Variants in TECTB observed in about 807,000 individuals in gnomAD.
The protein encoded by TECTB is tectorin beta.
Under a neutral mutation model 43.3 loss-of-function variants are expected in TECTB, and 45 were observed. The ratio of observed to expected loss-of-function variants is 1.04; its 90% CI spans 0.82 to 1.33. The LOEUF is 1.33. Ranked by LOEUF, TECTB falls within the 40% of genes most tolerant of loss-of-function variation. TECTB has a pLI of 0.00. For missense variants in TECTB, 399 were observed against 404.7 expected, an observed-to-expected ratio of 0.99 and a Z score of 0.12; for synonymous variants, 169 against 156.7, an observed-to-expected ratio of 1.08 and a Z score of -0.59.
intron 5 of TECTB, among the ~76,000 whole-genome samples, chr10:112,286,643 G>A (rs540400246): frequency 1.6e-4 from 24 of 152,338 alleles, no homozygotes; most frequent in Non-Finnish European, 1.9e-4. Flanking sequence ...CTTCTGGCCA[G>A]GCGTGGTAGT....
At chr10:112,295,055 T>G (rs1432071316) in intron 7 of TECTB, among the ~76,000 whole-genome samples, 1 of 152,124 alleles carries the variant, frequency 6.6e-6, no homozygotes, top group Admixed American at 6.5e-5. Context: ...CAGAAGTACT[T>G]AGAATTGTAC....
chr10:112,288,037 C>G (rs1848469295), intron 5 of TECTB, among the ~76,000 whole-genome samples: 2 of 152,132 alleles, frequency 1.3e-5, no homozygotes, highest in African/African-American at 4.8e-5. Context: ...GGTGGTGAAA[C>G]CACTACAGTC....
chr10:112,303,178 C>T (rs1173295281), intron 10 of TECTB, 85 bp from the exon 11 acceptor site: 4 of 1,503,242 alleles, frequency 2.7e-6, no homozygotes, highest in Non-Finnish European at 3.7e-6. Context: ...TTTATGAAGA[C>T]CCCTGAGTTA....
intron 2 of TECTB, among the ~76,000 whole-genome samples, chr10:112,284,073 C>CATT (rs1368068398): frequency 6.6e-6 from 1 of 152,066 alleles, no homozygotes; most frequent in Non-Finnish European, 1.5e-5. Flanking sequence ...CCCCACATCC[C>CATT]ATTATATATA....
chr10:112,287,841 T>A (rs1427975379), intron 5 of TECTB, among the ~76,000 whole-genome samples: 1 of 152,218 alleles, frequency 6.6e-6, no homozygotes, highest in East Asian at 1.9e-4. Flanking sequence ...TAATTCTGTA[T>A]TGAAAAATGT....
chr10:112,301,053 T>G (rs1444248632), intron 9 of TECTB, among the ~76,000 whole-genome samples: 2 of 152,206 alleles, frequency 1.3e-5, no homozygotes, highest in African/African-American at 4.8e-5. Context: ...GCCTGGGAAT[T>G]AAGAACAGTT....
intron 5 of TECTB, among the ~76,000 whole-genome samples, chr10:112,292,947 C>T (rs1848512130): frequency 6.6e-6 from 1 of 152,190 alleles, no homozygotes; most frequent in Non-Finnish European, 1.5e-5. Context: ...TCCTCACTTC[C>T]TCCAAATCTT....
At position 112,283,686 on chromosome 10, in the gene TECTB, T is replaced by C. The variant is rs1434872919; in HGVS notation, c.-49T>C. 3.8e-6 allele frequency: 6 copies of C among 1,589,764 alleles called. No homozygotes were observed. The highest frequency in any genetic ancestry group is 5.2e-6 in the Non-Finnish European group (6 of 1,159,632). ...CAGGCCCTGGAAGGACCGTAAACAT[T>C]TGGCCAGCTTGGTTTGGATACCTGG... On this transcript the variant is annotated 5_prime_UTR_variant, in exon 2 of 11. Coordinates refer to ENST00000646139, the MANE Select transcript of TECTB (RefSeq NM_058222.3).
At chr10:112,302,166 G>A (rs1437899090) in intron 10 of TECTB, 33 bp downstream of exon 10, 1 of 1,611,180 alleles carries the variant, frequency 6.2e-7, no homozygotes, top group Admixed American at 1.7e-5. Context: ...GGATTTCGTG[G>A]GGCTATGCTG....
chr10:112,300,348 AG>A (rs1305548407), intron 9 of TECTB, among the ~76,000 whole-genome samples: 1 of 82,432 alleles, frequency 1.2e-5, no homozygotes, highest in Admixed American at 1.5e-4. Flanking sequence ...AAAAGAAAGA[AG>A]GAAGGAAGGA....
In TECTB at chr10:112,295,685, C is replaced by T. The variant is rs540966528; in HGVS notation, c.671+1624C>T. On this transcript the variant is annotated intron_variant, in intron 7 of 10. Coordinates refer to ENST00000646139, the MANE Select transcript of TECTB (RefSeq NM_058222.3). ...AATGACTCCAGGAATTCTGAAATAA[C>T]GTATTGACCTGCAGGGACCAGAAAT... Among the ~76,000 whole-genome samples, 11 of 152,358 alleles carry T rather than the reference C, an allele frequency of 7.2e-5. No homozygotes were observed. The East Asian group carries it at 1.9e-3, about 27-fold the overall frequency.
chr10:112,294,023 C>T lies in TECTB; in HGVS notation c.633C>T (p.Asp211=). ...LNSCWATPSA[D]FMYPLQWQLI... Reference sequence around the variant, plus strand: ...GCTGTTGGGCCACCCCCTCGGCTGACTTCATGTATCCCTTGCAGTGGCAGC... The same window carrying T: ...GCTGTTGGGCCACCCCCTCGGCTGATTTCATGTATCCCTTGCAGTGGCAGC... Residue 211 remains aspartate (D), a synonymous_variant, in exon 7 of 11, where the codon GAC becomes GAT. Coordinates refer to ENST00000646139, the MANE Select transcript of TECTB (RefSeq NM_058222.3). The T allele has an allele frequency of 6.2e-7, 1 of 1,614,188 alleles. No individual in the cohort carries two copies. Among genetic ancestry groups the T allele is most frequent in the Non-Finnish European group, 8.5e-7 (1 of 1,180,026 alleles).
In TECTB at chr10:112,286,142, G is replaced by A. The variant is rs146778403; in HGVS notation, c.339G>A (p.Gln113=). ...SNDTTVIVKN[Q]PVNYSFSCTY... ...ACACCACAGTGATTGTAAAAAACCA[G>A]CCTGTCAACTACTCCTTCTCCTGCA... The change falls in exon 4 of 11, where the codon CAG becomes CAA. Residue 113 remains glutamine, a synonymous_variant. Transcript: ENST00000646139. The A allele has an allele frequency of 9.3e-6, 15 of 1,614,114 alleles. No homozygotes were observed. Among genetic ancestry groups the A allele is most frequent in the Non-Finnish European group, 1.3e-5 (15 of 1,179,998 alleles).
At chr10:112,302,280 G>A in intron 10 of TECTB, 147 bp downstream of exon 10, 1 of 913,960 alleles carries the variant, frequency 1.1e-6, no homozygotes, top group Non-Finnish European at 1.6e-6. Flanking sequence ...GCGCAGAGGG[G>A]GCGAGATCAA....
chr10:112,285,191 T>A (rs1466066895), intron 3 of TECTB, among the ~76,000 whole-genome samples: 1 of 152,212 alleles, frequency 6.6e-6, no homozygotes, highest in East Asian at 1.9e-4. Context: ...TATCATAAGA[T>A]AATTATTAGG....
chr10:112,301,448 C>T (rs1564710933), intron 9 of TECTB, among the ~76,000 whole-genome samples: 1 of 151,764 alleles, frequency 6.6e-6, no homozygotes, highest in Non-Finnish European at 1.5e-5. Context: ...AATTTCAGTG[C>T]CTTTAAAGAA....
chr10:112,299,612 T>G (rs772730794), intron 9 of TECTB, 48 bp downstream of exon 9: 8 of 1,599,260 alleles, frequency 5.0e-6, no homozygotes, highest in Non-Finnish European at 6.0e-6. Flanking sequence ...GAGTTCACGC[T>G]GGGCTGCGTC....
Position 112,293,832 on chromosome 10 carries a change from T to G in TECTB, c.578T>G (p.Leu193Ter). The G allele has an allele frequency of 6.2e-7, 1 of 1,614,146 alleles. No individual in the cohort carries two copies. Among genetic ancestry groups the G allele is most frequent in the Non-Finnish European group, 8.5e-7 (1 of 1,179,968 alleles). The change falls in exon 6 of 11, where the codon TTA becomes TGA. Residue 193 changes from leucine to a stop codon, truncating the protein, a stop_gained. Transcript: ENST00000646139. LOFTEE classifies it high-confidence loss of function. ...DLFAGVEAKGLSIRFKVVLNS... is the reference protein window; with the variant it reads ...DLFAGVEAKG ...TTTGCAGGAGTGGAAGCCAAAGGGT[T>G]AAGCATTAGGTAAGTACATTTCCTC...
rs758018762 is a variant in TECTB at position 112,283,708 on chromosome 10, C to G, written c.-27C>G. On this transcript the variant is annotated 5_prime_UTR_variant, in exon 2 of 11. Coordinates refer to ENST00000646139, the MANE Select transcript of TECTB (RefSeq NM_058222.3). ...CATTTGGCCAGCTTGGTTTGGATAC[C>G]TGGCAGAGACCAGGTTCTGAGAAGC... 1 of 1,612,840 alleles carries G rather than the reference C, an allele frequency of 6.2e-7. No homozygotes were observed. The highest frequency in any genetic ancestry group is 1.1e-5 in the South Asian group (1 of 90,838).
Sources: gnomAD v4.1 joint callset for allele counts (sites outside exome capture counted in the v4.1 genomes callset) on GRCh38, gnomAD v4.1.1 for gene constraint, MANE v1.5 for transcripts, NCBI Gene and HGNC (gene_info 2026-07-23, HGNC 2026-07-21) for gene names.